Variants in PDSS2 observed in about 807,000 individuals in gnomAD.
PDSS2 encodes all trans-polyprenyl-diphosphate synthase PDSS2.
In PDSS2, 31 loss-of-function variants were observed where a neutral mutation model predicts 44.5. That is an observed-to-expected ratio of 0.70 (90% CI 0.52 to 0.94). The LOEUF (loss-of-function observed/expected upper bound fraction) is 0.94. PDSS2 is among the 40% of genes least tolerant of loss of function. The probability of loss-of-function intolerance (pLI) is 0.00; values close to 1 mark genes in which losing one functional copy is unlikely to be tolerated. For missense variants in PDSS2, 452 were observed against 482.2 expected (o/e 0.94, Z 0.59); for synonymous variants, 157 against 180.3 (o/e 0.87, Z 1.03).
At chr6:107,317,563 A>G (rs1430447009) in intron 2 of PDSS2, among the ~76,000 whole-genome samples, 1 of 152,212 alleles carries the variant, frequency 6.6e-6, no homozygotes, top group Non-Finnish European at 1.5e-5. Flanking sequence ...AAGACAGCAT[A>G]TAGATTACAA....
Position 107,350,833 on chromosome 6 carries a change from G to C in PDSS2, c.297-16501C>G, listed in dbSNP as rs141190984. Among the ~76,000 whole-genome samples, 355 of 151,840 alleles carry C rather than the reference G, an allele frequency of 2.3e-3. 1 individual carries two copies. The highest frequency in any genetic ancestry group is 8.2e-3 in the African/African-American group (341 of 41,432). Reference sequence around the variant, plus strand: ...CTCAAAAAAAAAAGTAAACAAACAGGGAAAGTTTCAATATTTCAGACAGTC... The same window carrying C: ...CTCAAAAAAAAAAGTAAACAAACAGCGAAAGTTTCAATATTTCAGACAGTC... On this transcript the variant is annotated intron_variant, in intron 1 of 7. Transcript: ENST00000369037.
chr6:107,225,165 T>A (rs1007231742), intron 4 of PDSS2, among the ~76,000 whole-genome samples: 7,541 of 36,462 alleles, frequency 0.21, 343 homozygotes, highest in East Asian at 0.42. Flanking sequence ...ATATATATTT[T>A]TTTTTTTTTT....
chr6:107,230,112 C>T (rs901183377), intron 4 of PDSS2: 1 of 157,782 alleles, frequency 6.3e-6, no homozygotes, highest in African/African-American at 2.4e-5. Flanking sequence ...GTCAGGGAGA[C>T]TGCAAAGGTC....
intron 1 of PDSS2, among the ~76,000 whole-genome samples, chr6:107,372,612 C>G (rs942729366): frequency 6.6e-6 from 1 of 152,034 alleles, no homozygotes; most frequent in African/African-American, 2.4e-5. Flanking sequence ...CCACCACGCT[C>G]GGCTAATTGT....
intron 6 of PDSS2, among the ~76,000 whole-genome samples, chr6:107,198,684 G>A (rs1421852907): frequency 6.6e-6 from 1 of 152,068 alleles, no homozygotes; most frequent in Non-Finnish European, 1.5e-5. Context: ...GACCAGGCAC[G>A]GTGGCTCATG....
intron 3 of PDSS2, among the ~76,000 whole-genome samples, chr6:107,260,677 T>G (rs1227814638): frequency 6.8e-6 from 1 of 147,984 alleles, no homozygotes; most frequent in African/African-American, 2.5e-5. Flanking sequence ...TTTTTTTTTT[T>G]TTTTGAGACG....
chr6:107,433,860 C>T (rs1262115673), intron 1 of PDSS2, among the ~76,000 whole-genome samples: 1 of 152,156 alleles, frequency 6.6e-6, no homozygotes, highest in Non-Finnish European at 1.5e-5. Context: ...AAAATATTTG[C>T]AAACTCTATC....
intron 3 of PDSS2, among the ~76,000 whole-genome samples, chr6:107,259,200 A>C (rs1775129106): frequency 1.3e-5 from 2 of 152,220 alleles, no homozygotes; most frequent in African/African-American, 4.8e-5. Flanking sequence ...TTAATGATTA[A>C]ATTTTCTACA....
chr6:107,333,753 C>A (rs1264618687), intron 2 of PDSS2, among the ~76,000 whole-genome samples: 1 of 152,114 alleles, frequency 6.6e-6, no homozygotes, highest in African/African-American at 2.4e-5. Context: ...CCAGGCTGGT[C>A]TCAAACTCTT....
intron 1 of PDSS2, among the ~76,000 whole-genome samples, chr6:107,382,211 G>A (rs147171508): frequency 7.9e-5 from 12 of 152,204 alleles, no homozygotes; most frequent in African/African-American, 2.9e-4. Flanking sequence ...ATAATGTCAG[G>A]TGCGGGAGGT....
chr6:107,324,119 C>A (rs1224223664), intron 2 of PDSS2, among the ~76,000 whole-genome samples: 1 of 152,128 alleles, frequency 6.6e-6, no homozygotes, highest in African/African-American at 2.4e-5. Flanking sequence ...TGCATTTGTG[C>A]ATGCTGTGCA....
chr6:107,340,331 G>A (rs1778042726), intron 1 of PDSS2, among the ~76,000 whole-genome samples: 1 of 152,108 alleles, frequency 6.6e-6, no homozygotes, highest in Non-Finnish European at 1.5e-5. Flanking sequence ...ATGGGAATAA[G>A]GATTGAGTAG....
chr6:107,377,943 G>A (rs548236938), intron 1 of PDSS2, among the ~76,000 whole-genome samples: 5 of 151,680 alleles, frequency 3.3e-5, no homozygotes, highest in Non-Finnish European at 7.4e-5. Context: ...GCTAAATGAC[G>A]AGTTAATGGG....
At chr6:107,359,005 C>T (rs897532012) in intron 1 of PDSS2, among the ~76,000 whole-genome samples, 8 of 81,618 alleles carry the variant, frequency 9.8e-5, no homozygotes, top group African/African-American at 3.9e-4. Context: ...AGCATTCTCG[C>T]TCTTTTTTTT....
At chr6:107,363,600 G>A (rs1419540728) in intron 1 of PDSS2, among the ~76,000 whole-genome samples, 1 of 152,196 alleles carries the variant, frequency 6.6e-6, no homozygotes, top group Non-Finnish European at 1.5e-5. Flanking sequence ...CAAAGAGTGA[G>A]CAGTAGCAAG....
chr6:107,433,789 A>C (rs319109), intron 1 of PDSS2, among the ~76,000 whole-genome samples: 63,088 of 152,098 alleles, frequency 0.41, 14,469 homozygotes, highest in Middle Eastern at 0.65. Context: ...TCAAATTAAA[A>C]AGCTTTTGCA....
At chr6:107,388,412 T>C (rs960072443) in intron 1 of PDSS2, among the ~76,000 whole-genome samples, 5 of 151,918 alleles carry the variant, frequency 3.3e-5, no homozygotes, top group African/African-American at 4.8e-5. Flanking sequence ...TCAAGTGAAC[T>C]GAAAACTTAC....
intron 4 of PDSS2, among the ~76,000 whole-genome samples, chr6:107,236,584 G>A (rs938773311): frequency 1.2e-4 from 18 of 152,122 alleles, no homozygotes; most frequent in African/African-American, 3.6e-4. Flanking sequence ...TCTACCATGC[G>A]TTATAAACAC....
intron 6 of PDSS2, among the ~76,000 whole-genome samples, chr6:107,206,875 C>A (rs1389732363): frequency 6.6e-6 from 1 of 152,096 alleles, no homozygotes; most frequent in African/African-American, 2.4e-5. Context: ...TGCCACCAAA[C>A]AGTCTCAACC....
Sources: gnomAD v4.1 joint callset for allele counts (sites outside exome capture counted in the v4.1 genomes callset) on GRCh38, gnomAD v4.1.1 for gene constraint, MANE v1.5 for transcripts, NCBI Gene and HGNC (gene_info 2026-07-23, HGNC 2026-07-21) for gene names.